TDRD1: variants seen among roughly 807,000 people sequenced by gnomAD.
TDRD1 encodes the protein tudor domain-containing protein 1.
In TDRD1, 37 loss-of-function variants were observed where a neutral mutation model predicts 140.6. That is an observed-to-expected ratio of 0.26 (90% confidence interval 0.20 to 0.35). The LOEUF (loss-of-function observed/expected upper bound fraction) is 0.35, where lower values mean the gene tolerates loss of function less well. Among genes scored for constraint, TDRD1 ranks in the 10% least tolerant of loss-of-function variants. The pLI is 1.00. For synonymous variants in TDRD1, 506 were observed against 475.7 expected, an observed-to-expected ratio of 1.06 and a Z score of -0.83; for missense variants, 1,243 against 1,393.0, an observed-to-expected ratio of 0.89 and a Z score of 1.71.
At chr10:114,191,718 G>C (rs753251495) in intron 3 of TDRD1, among the ~76,000 whole-genome samples, 1 of 152,152 alleles carries the variant, frequency 6.6e-6, no homozygotes, top group Admixed American at 6.5e-5. Flanking sequence ...CGTTTTTAAT[G>C]CTCCAGGATA....
intron 3 of TDRD1, among the ~76,000 whole-genome samples, chr10:114,193,924 T>C (rs2034165230): frequency 6.6e-6 from 1 of 152,234 alleles, no homozygotes; most frequent in Non-Finnish European, 1.5e-5. Flanking sequence ...GTGTTGAATT[T>C]TGTCAAATGC....
exon 18 of TDRD1, chr10:114,218,528 T>C (rs747056967): frequency 1.2e-5 from 19 of 1,612,420 alleles, no homozygotes; most frequent in South Asian, 2.2e-5. Context: ...GAACTCCGAA[T>C]GATATCATCA....
At chr10:114,221,865 A>G (rs916303919) in intron 20 of TDRD1, among the ~76,000 whole-genome samples, 14 of 152,242 alleles carry the variant, frequency 9.2e-5, no homozygotes, top group African/African-American at 3.4e-4. Flanking sequence ...AATGTTTCAC[A>G]CTAGAACGAA....
At chr10:114,191,687 G>T (rs970268143) in intron 3 of TDRD1, among the ~76,000 whole-genome samples, 1 of 152,136 alleles carries the variant, frequency 6.6e-6, no homozygotes, top group Non-Finnish European at 1.5e-5. Flanking sequence ...ATCCATTTAT[G>T]TACAGAATTT....
upstream of TDRD1, among the ~76,000 whole-genome samples, chr10:114,179,020 AACCTTGGAAG>A (rs2032802225): frequency 6.6e-6 from 1 of 152,246 alleles, no homozygotes; most frequent in African/African-American, 2.4e-5. Flanking sequence ...TTATTTGGAA[AACCTTGGAAG>A]ACCTTTAAGT....
intron 4 of TDRD1, 73 bp from the exon 5 acceptor site, chr10:114,201,337 A>G (rs1256936006): frequency 2.5e-6 from 3 of 1,203,130 alleles, no homozygotes; most frequent in Admixed American, 3.5e-5. Flanking sequence ...TAATAGAATG[A>G]TATTTGCTAA....
At chr10:114,216,971 A>G (rs1263220139) in intron 16 of TDRD1, among the ~76,000 whole-genome samples, 5 of 152,162 alleles carry the variant, frequency 3.3e-5, no homozygotes, top group Admixed American at 1.3e-4. Flanking sequence ...GACAGCTCCA[A>G]TGTCTCTCTC....
chr10:114,204,980 C>A, intron 10 of TDRD1, 87 bp downstream of exon 10: 1 of 1,206,874 alleles, frequency 8.3e-7, no homozygotes, highest in Non-Finnish European at 1.1e-6. Flanking sequence ...TCAAGTGAGG[C>A]CAGGTAAACT....
intron 14 of TDRD1, among the ~76,000 whole-genome samples, chr10:114,212,951 C>T (rs933765241): frequency 1.3e-5 from 2 of 152,176 alleles, no homozygotes; most frequent in Admixed American, 6.5e-5. Context: ...TCCTTGCTCC[C>T]CAGGTAATAA....
upstream of TDRD1, among the ~76,000 whole-genome samples, chr10:114,175,987 G>T (rs1318365330): frequency 6.6e-6 from 1 of 152,070 alleles, no homozygotes; most frequent in Non-Finnish European, 1.5e-5. Context: ...CTTCTCTGTA[G>T]AACTCCATGT....
chr10:114,201,087 C>A (rs188621099), intron 4 of TDRD1, among the ~76,000 whole-genome samples: 2,051 of 151,842 alleles, frequency 0.014, 47 homozygotes, highest in African/African-American at 0.047. Flanking sequence ...AACTCCTGAC[C>A]TCAGGTGATT....
intron 16 of TDRD1, among the ~76,000 whole-genome samples, chr10:114,217,131 G>A (rs997440849): frequency 6.6e-6 from 1 of 152,152 alleles, no homozygotes; most frequent in African/African-American, 2.4e-5. Context: ...ATTTCTGTAT[G>A]AAACCTCCAG....
intron 5 of TDRD1, 79 bp from the exon 6 acceptor site, chr10:114,202,159 A>G: frequency 9.0e-7 from 1 of 1,114,806 alleles, no homozygotes; most frequent in South Asian, 1.6e-5. Context: ...GTTCATTGAG[A>G]ATACCATAAT....
At chr10:114,208,781 T>TC in intron 11 of TDRD1, among the ~76,000 whole-genome samples, 1 of 151,936 alleles carries the variant, frequency 6.6e-6, no homozygotes, top group East Asian at 1.9e-4. Context: ...GATACAATTT[T>TC]TTTTTTTTTT....
At chr10:114,229,101 C>CA (rs60459811) in intron 25 of TDRD1, among the ~76,000 whole-genome samples, 1 of 149,426 alleles carries the variant, frequency 6.7e-6, no homozygotes, top group Non-Finnish European at 1.5e-5. Context: ...CAAAACAAAA[C>CA]AAAAAAAAAA....
At chr10:114,180,227 C>T (rs534951305) in intron 1 of TDRD1, among the ~76,000 whole-genome samples, 1 of 152,272 alleles carries the variant, frequency 6.6e-6, no homozygotes, top group South Asian at 2.1e-4. Flanking sequence ...CCTTTAAGCC[C>T]TTAGGAAGTA....
chr10:114,208,112 A>G (rs892234229), intron 11 of TDRD1, among the ~76,000 whole-genome samples: 1 of 152,168 alleles, frequency 6.6e-6, no homozygotes, highest in Non-Finnish European at 1.5e-5. Flanking sequence ...AAGCATGAGC[A>G]GGCCTGAGAA....
chr10:114,191,407 T>C (rs576897845), intron 3 of TDRD1, among the ~76,000 whole-genome samples: 18 of 152,294 alleles, frequency 1.2e-4, no homozygotes, highest in South Asian at 2.1e-4. Flanking sequence ...TCTTAATCCA[T>C]AGCAGCCACT....
chr10:114,226,457 G>C (rs1375604580), intron 22 of TDRD1, among the ~76,000 whole-genome samples: 1 of 152,106 alleles, frequency 6.6e-6, no homozygotes, highest in Non-Finnish European at 1.5e-5. Flanking sequence ...TCAGAGATTC[G>C]GTTTTGCCCC....
Sources: gnomAD v4.1 joint callset for allele counts (sites outside exome capture counted in the v4.1 genomes callset) on GRCh38, gnomAD v4.1.1 for gene constraint, MANE v1.5 for transcripts, NCBI Gene and HGNC (gene_info 2026-07-23, HGNC 2026-07-21) for gene names.